The following ITPRID1 variants were observed in gnomAD, a reference collection of about 807,000 sequenced individuals.
ITPRID1 encodes the protein ITPR interacting domain containing 1.
A neutral mutation model predicts 95.4 loss-of-function variants in ITPRID1; 96 were observed. The observed-to-expected ratio is 1.01, with a 90% CI of 0.85 to 1.19. ITPRID1 has a LOEUF of 1.19. ITPRID1 is among the 50% of genes most tolerant of loss of function. The pLI, the probability that ITPRID1 is intolerant of heterozygous loss-of-function variation, is 0.00. For missense variants in ITPRID1, 1,339 were observed against 1,252.9 expected, an observed-to-expected ratio of 1.07 and a Z score of -1.04; for synonymous variants, 510 against 453.6, an observed-to-expected ratio of 1.12 and a Z score of -1.58.
chr7:31,593,451 T>G (rs146001787), intron 10 of ITPRID1, among the ~76,000 whole-genome samples: 3,662 of 152,246 alleles, frequency 0.024, 142 homozygotes, highest in African/African-American at 0.082. Flanking sequence ...TTAGATATGG[T>G]GAATGGAAAT....
chr7:31,626,306 T>A (rs1273242019), intron 10 of ITPRID1, among the ~76,000 whole-genome samples: 3 of 152,222 alleles, frequency 2.0e-5, no homozygotes, highest in Non-Finnish European at 2.9e-5. Flanking sequence ...ACTGCATAAC[T>A]CCTTTTGAAG....
chr7:31,579,133 T>C (rs766551029), intron 9 of ITPRID1, among the ~76,000 whole-genome samples: 1 of 152,234 alleles, frequency 6.6e-6, no homozygotes, highest in Admixed American at 6.5e-5. Context: ...TACACTAGTT[T>C]TTATCTTCAC....
chr7:31,516,367 A>C (rs1032099315), intron 1 of ITPRID1, among the ~76,000 whole-genome samples: 4 of 152,254 alleles, frequency 2.6e-5, no homozygotes, highest in Non-Finnish European at 4.4e-5. Flanking sequence ...CTTAGACTCT[A>C]TAAAAAGCTG....
At chr7:31,635,486 G>C (rs1276244761) in intron 10 of ITPRID1, among the ~76,000 whole-genome samples, 1 of 152,166 alleles carries the variant, frequency 6.6e-6, no homozygotes, top group Non-Finnish European at 1.5e-5. Context: ...CCCAATGTCT[G>C]ATTTTTTATT....
chr7:31,620,051 G>T (rs955983980), intron 10 of ITPRID1, among the ~76,000 whole-genome samples: 1 of 152,192 alleles, frequency 6.6e-6, no homozygotes, highest in East Asian at 1.9e-4. Flanking sequence ...AGCGAGGCTG[G>T]GGGAGGGGTG....
Position 31,578,421 on chromosome 7 carries a change from T to C in ITPRID1, c.1157T>C (p.Phe386Ser). 1 of 1,605,462 alleles carries C rather than the reference T, an allele frequency of 6.2e-7. No individual in the cohort carries two copies. Among genetic ancestry groups the C allele is most frequent in the Non-Finnish European group, 8.5e-7 (1 of 1,175,680 alleles). ...CTTGCAGGCAAAGGACCAGACTCAT[T>C]TGAAATGGAAGAGGTCAGTGCTGCA... ...SHLAGKGPDS[F>S]EMEEVQSFEE... Residue 386 changes from phenylalanine to serine, a missense_variant, in exon 9 of 15, where the codon TTT becomes TCT. Phe to Ser is a radical substitution (Grantham distance 155, BLOSUM62 -2). Transcript: ENST00000615280.
intron 10 of ITPRID1, among the ~76,000 whole-genome samples, chr7:31,620,932 G>A (rs1304995914): frequency 1.3e-5 from 2 of 151,974 alleles, no homozygotes; most frequent in South Asian, 2.1e-4. Flanking sequence ...GGAGCTGAAA[G>A]CCAAGGCTCA....
At chr7:31,540,539 C>T (rs906544169) in intron 1 of ITPRID1, among the ~76,000 whole-genome samples, 1 of 152,174 alleles carries the variant, frequency 6.6e-6, no homozygotes, top group Non-Finnish European at 1.5e-5. Flanking sequence ...TCTCCAGTTT[C>T]CCATTTTTAT....
intron 10 of ITPRID1, among the ~76,000 whole-genome samples, chr7:31,633,155 G>A (rs1025864328): frequency 6.6e-6 from 1 of 151,884 alleles, no homozygotes; most frequent in African/African-American, 2.4e-5. Context: ...AAAGTGCTGG[G>A]ATTACAGGCG....
chr7:31,579,854 A>G (rs1185323908), intron 9 of ITPRID1, among the ~76,000 whole-genome samples: 1 of 152,196 alleles, frequency 6.6e-6, no homozygotes, highest in Non-Finnish European at 1.5e-5. Flanking sequence ...ATTAAAATGA[A>G]TAATAATAAT....
At chr7:31,586,094 GT>G in intron 10 of ITPRID1, among the ~76,000 whole-genome samples, 1 of 141,342 alleles carries the variant, frequency 7.1e-6, no homozygotes, top group Admixed American at 7.3e-5. Context: ...GCGGTGTTTG[GT>G]TTTTTGTTCT....
chr7:31,619,709 T>A (rs991277163), intron 10 of ITPRID1, among the ~76,000 whole-genome samples: 1 of 152,018 alleles, frequency 6.6e-6, no homozygotes, highest in Admixed American at 6.5e-5. Flanking sequence ...TGCATTTCCA[T>A]CTGAGGTACC....
intron 10 of ITPRID1, among the ~76,000 whole-genome samples, chr7:31,613,954 A>G (rs1786997920): frequency 6.6e-6 from 1 of 152,216 alleles, no homozygotes; most frequent in Non-Finnish European, 1.5e-5. Context: ...TTCCCTGTGA[A>G]GTACCTTAAG....
At chr7:31,630,231 A>G (rs1429504134) in intron 10 of ITPRID1, among the ~76,000 whole-genome samples, 2 of 125,460 alleles carry the variant, frequency 1.6e-5, no homozygotes, top group Admixed American at 1.8e-4. Flanking sequence ...CAAAGAAAAT[A>G]GAGTCTACTT....
intron 10 of ITPRID1, among the ~76,000 whole-genome samples, chr7:31,595,351 C>T (rs1384054052): frequency 2.0e-5 from 3 of 151,028 alleles, no homozygotes; most frequent in Non-Finnish European, 4.4e-5. Flanking sequence ...GGCCTACACA[C>T]ACACACACAC....
At chr7:31,562,044 TAAAAAAAAAA>T (rs33912394) in intron 5 of ITPRID1, among the ~76,000 whole-genome samples, 8 of 52,548 alleles carry the variant, frequency 1.5e-4, no homozygotes, top group Admixed American at 4.9e-4. Context: ...GCTATGTATT[TAAAAAAAAAA>T]AAAAAAAAAA....
chr7:31,647,196 T>G (rs918268478), intron 12 of ITPRID1, among the ~76,000 whole-genome samples: 9 of 152,216 alleles, frequency 5.9e-5, no homozygotes, highest in African/African-American at 2.2e-4. Flanking sequence ...TGCAGCAACA[T>G]CTACTAAGAG....
chr7:31,620,334 G>C lies in ITPRID1; in HGVS notation c.1229-21842G>C, dbSNP rs562198665. On this transcript the variant is annotated intron_variant, in intron 10 of 14. Coordinates refer to ENST00000615280, the MANE Select transcript of ITPRID1 (RefSeq NM_001257967.3). ...AGTGGGTCCCTGACCCCTGACCCCT[G>C]AGCAGCCTAACTGGGAGGCACCCCC... Among the ~76,000 whole-genome samples the C allele has an allele frequency of 2.6e-3, 393 of 152,198 alleles. 1 individual carries two copies. Among genetic ancestry groups the C allele is most frequent in the African/African-American group, 9.1e-3 (378 of 41,528 alleles).
intron 14 of ITPRID1, 78 bp downstream of exon 14, chr7:31,652,128 T>C (rs373089284): frequency 6.7e-5 from 71 of 1,052,816 alleles, no homozygotes; most frequent in East Asian, 3.4e-4. Flanking sequence ...AACTTGATTG[T>C]GCAATCATTT....
Sources: gnomAD v4.1 joint callset for allele counts (sites outside exome capture counted in the v4.1 genomes callset) on GRCh38, gnomAD v4.1.1 for gene constraint, MANE v1.5 for transcripts, NCBI Gene and HGNC (gene_info 2026-07-23, HGNC 2026-07-21) for gene names.